The following PCNX2 variants were observed in gnomAD, a reference collection of about 807,000 sequenced individuals.
PCNX2 encodes pecanex 2.
In PCNX2, 168 loss-of-function variants were observed where a neutral mutation model predicts 223.8. That is an observed-to-expected ratio of 0.75 (90% CI 0.66 to 0.85). The LOEUF (loss-of-function observed/expected upper bound fraction) is 0.85. Among genes scored for constraint, PCNX2 ranks in the 40% least tolerant of loss-of-function variants. PCNX2 has a pLI of 0.00. For synonymous variants in PCNX2, 1,006 were observed against 1,052.6 expected, an observed-to-expected ratio of 0.96 and a Z score of 0.86; for missense variants, 2,507 against 2,675.5, an observed-to-expected ratio of 0.94 and a Z score of 1.39.
At chr1:233,318,849 C>T in the PCNX2 span, among the ~76,000 whole-genome samples, 3 of 152,044 alleles carry the variant, frequency 2.0e-5, no homozygotes, top group Non-Finnish European at 2.9e-5. Context: ...GGATTACAAG[C>T]GTGAGCCACT....
At position 233,145,800 on chromosome 1, in the gene PCNX2, A is replaced by G. The variant is rs538528381; in HGVS notation, c.3518-5945T>C. Among the ~76,000 whole-genome samples, 85 of 152,256 alleles carry G rather than the reference A, an allele frequency of 5.6e-4. 1 individual carries two copies. The Middle Eastern group carries it at 0.017, about 30-fold the overall frequency. On this transcript the variant is annotated intron_variant, in intron 19 of 33. Transcript: ENST00000258229. ...ATTGTTTTAAAATTCTTTATAAGCC[A>G]TGCACCCCCTTGCTGACTGCTCCTG... is the stretch of plus-strand genomic sequence containing the variant.
chr1:233,042,320 CT>C (rs1189753236), intron 25 of PCNX2, among the ~76,000 whole-genome samples: 1 of 152,198 alleles, frequency 6.6e-6, no homozygotes, highest in Non-Finnish European at 1.5e-5. Flanking sequence ...TCACTTGCCA[CT>C]GTAGCAAGCC....
intron 8 of PCNX2, among the ~76,000 whole-genome samples, chr1:233,238,143 C>T (rs969563342): frequency 6.6e-6 from 1 of 152,182 alleles, no homozygotes; most frequent in African/African-American, 2.4e-5. Context: ...CTTTGGGCCT[C>T]TTGTGTTCTG....
chr1:233,235,957 A>AAATATATATATATATATATATAT (rs369886650), intron 9 of PCNX2, among the ~76,000 whole-genome samples: 4 of 93,114 alleles, frequency 4.3e-5, no homozygotes, highest in Admixed American at 1.2e-4. Flanking sequence ...CATAAAAAAA[A>AAATATATATATATATATATATAT]ATATATATAT....
At chr1:233,067,433 T>TAG (rs1672665190) in intron 23 of PCNX2, among the ~76,000 whole-genome samples, 1 of 26,206 alleles carries the variant, frequency 3.8e-5, no homozygotes, top group Non-Finnish European at 8.3e-5. Context: ...ATAGAATAAA[T>TAG]AAAGAAGAAT....
chr1:233,284,191 G>A (rs999404731), intron 1 of PCNX2, among the ~76,000 whole-genome samples: 2 of 152,146 alleles, frequency 1.3e-5, no homozygotes, highest in African/African-American at 4.8e-5. Context: ...GGATAGGAAC[G>A]ATATATTAGA....
intron 1 of PCNX2, chr1:233,292,145 G>T: frequency 1.6e-6 from 1 of 634,858 alleles, no homozygotes. Flanking sequence ...AATACTCAAA[G>T]TATCTGTTAT....
At chr1:233,325,397 A>G in the PCNX2 span, among the ~76,000 whole-genome samples, 2 of 151,626 alleles carry the variant, frequency 1.3e-5, no homozygotes, top group Admixed American at 6.6e-5. Flanking sequence ...GATAGCTCAC[A>G]CCTGTAATCC....
chr1:233,259,613 A>C (rs190425985), intron 4 of PCNX2, among the ~76,000 whole-genome samples: 39 of 152,114 alleles, frequency 2.6e-4, no homozygotes, highest in Non-Finnish European at 5.0e-4. Context: ...TCCTAATGCT[A>C]TCTCTCCCCT....
Position 232,983,765 on chromosome 1 carries a change from G to T in PCNX2, c.*539C>A, listed in dbSNP as rs1169030764. ...GCTGCATAAATATTATAAAGAAATA[G>T]GGTTTTCTTGACACTTAGATTTAAC... On this transcript the variant is annotated 3_prime_UTR_variant, in exon 34 of 34. Coordinates refer to ENST00000258229, the MANE Select transcript of PCNX2 (RefSeq NM_014801.4). The T allele has an allele frequency of 6.6e-6, 1 of 152,212 alleles. No homozygotes were observed. Among genetic ancestry groups the T allele is most frequent in the Non-Finnish European group, 1.5e-5 (1 of 68,034 alleles). The allele number at this position is 152,212 out of a possible 1,614,324, so 9.4% of individuals were successfully genotyped here.
In PCNX2 at chr1:233,208,614, T is replaced by C; in HGVS notation, c.2767A>G (p.Thr923Ala). ...VLCGLILLLDTGAKARHPPSY... is the reference protein window; with the variant it reads ...VLCGLILLLDAGAKARHPPSY... ...GGAGGGTGCCTGGCTTTGGCCCCTG[T>C]ATCAAGAAGCAAAATAAGGCCACAC... The change falls in exon 13 of 34, where the codon ACA (threonine) becomes GCA (alanine). Residue 923 changes from threonine (T) to alanine (A), a missense_variant. Transcript: ENST00000258229. The C allele has an allele frequency of 6.2e-7, 1 of 1,613,772 alleles. No individual in the cohort carries two copies. The highest frequency in any genetic ancestry group is 1.7e-5 in the Admixed American group (1 of 59,992).
chr1:233,302,114 G>T, the PCNX2 span, among the ~76,000 whole-genome samples: 1 of 151,898 alleles, frequency 6.6e-6, no homozygotes, highest in Non-Finnish European at 1.5e-5. Flanking sequence ...ATTGAAAAGA[G>T]AGAAAGAAAA....
chr1:233,015,222 T>G (rs1185807877), intron 27 of PCNX2, among the ~76,000 whole-genome samples: 1 of 152,224 alleles, frequency 6.6e-6, no homozygotes, highest in African/African-American at 2.4e-5. Flanking sequence ...GTGGGTTGAC[T>G]GCTAGACTGT....
At chr1:233,103,380 T>A (rs1046816740) in intron 21 of PCNX2, among the ~76,000 whole-genome samples, 1 of 152,106 alleles carries the variant, frequency 6.6e-6, no homozygotes, top group African/African-American at 2.4e-5. Flanking sequence ...TTATTCACTT[T>A]TTCTATTTTT....
chr1:233,074,581 C>G (rs1237821585), intron 23 of PCNX2, among the ~76,000 whole-genome samples: 2 of 108,014 alleles, frequency 1.9e-5, no homozygotes, highest in East Asian at 5.5e-4. Context: ...GGCGACAGAG[C>G]GAGACTCCGT....
At chr1:233,300,307 C>T (rs142785748), upstream of PCNX2, among the ~76,000 whole-genome samples, 1 of 152,096 alleles carries the variant, frequency 6.6e-6, no homozygotes, top group Non-Finnish European at 1.5e-5. Context: ...CAGTGTTAGC[C>T]ATGATTGAAT....
Position 233,001,750 on chromosome 1 carries a change from C to T in PCNX2, c.4953-69G>A, listed in dbSNP as rs1670096988. 4 of 1,335,162 alleles carry T rather than the reference C, an allele frequency of 3.0e-6. No homozygotes were observed. Among genetic ancestry groups the T allele is most frequent in the South Asian group, 2.1e-5 (1 of 48,530 alleles). 82.7% of individuals were successfully genotyped at this position (1,335,162 alleles called of 1,614,324 possible). A position where few individuals can be genotyped will look rare whatever the true frequency, so the allele number is the denominator to read the frequency against. The stretch of plus-strand genomic sequence containing the variant: ...CTGTCATTGTGAGCAAAGTTTGAGT[C>T]TCCCATTTGTCTAAGAATTATCTTA... On this transcript the variant is annotated intron_variant, in intron 28 of 33. Transcript: ENST00000258229. The surrounding 1 kb of genome is among the most constrained non-coding windows in gnomAD (Gnocchi z 4.2).
intron 26 of PCNX2, 81 bp from the exon 27 acceptor site, chr1:233,017,235 G>A (rs1051684964): frequency 3.0e-5 from 31 of 1,046,742 alleles, no homozygotes; most frequent in Non-Finnish European, 4.1e-5. Context: ...TAAGAGGCAT[G>A]AAATCCCTAC....
rs529797124 is a variant in PCNX2, at chr1:233,272,241, C to T, written c.154-9078G>A. On this transcript the variant is annotated intron_variant, in intron 1 of 33. Transcript: ENST00000258229. Reference sequence around the variant, plus strand: ...TCGGAGAAAATCTTCACAATCTATACATCCAAAAAGGACTAACATCCAGAA... The same window carrying T: ...TCGGAGAAAATCTTCACAATCTATATATCCAAAAAGGACTAACATCCAGAA... Among the ~76,000 whole-genome samples the T allele has an allele frequency of 1.8e-4, 27 of 150,168 alleles. No homozygotes were observed. The East Asian group carries it at 3.4e-3, about 19-fold the overall frequency.
Sources: allele counts gnomAD v4.1 joint callset (sites outside exome capture counted in the v4.1 genomes callset), GRCh38; gene constraint gnomAD v4.1.1; non-coding constraint Gnocchi (gnomAD v3.1); transcripts MANE v1.5; gene names NCBI Gene and HGNC (gene_info 2026-07-23, HGNC 2026-07-21).